The following EVI5 variants were observed in gnomAD, a reference collection of about 807,000 sequenced individuals.
EVI5 encodes the protein ecotropic viral integration site 5 protein homolog.
EVI5 carries 73 observed loss-of-function variants against 112.0 expected under a neutral mutation model. The ratio of observed to expected loss-of-function variants is 0.65; its 90% confidence interval spans 0.54 to 0.79. The LOEUF (loss-of-function observed/expected upper bound fraction) is 0.79, where lower values mean the gene tolerates loss of function less well. EVI5 is among the 30% of genes least tolerant of loss of function. The probability of loss-of-function intolerance (pLI) is 0.00; values close to 1 mark genes in which losing one functional copy is unlikely to be tolerated. For missense variants in EVI5, 900 were observed against 968.8 expected, an observed-to-expected ratio of 0.93 and a Z score of 0.94; for synonymous variants, 305 against 319.9, an observed-to-expected ratio of 0.95 and a Z score of 0.50.
At chr1:92,696,588 G>A (rs748312859) in intron 6 of EVI5, among the ~76,000 whole-genome samples, 4 of 151,624 alleles carry the variant, frequency 2.6e-5, no homozygotes, top group Non-Finnish European at 4.4e-5. Context: ...AGTGAACTGT[G>A]ATTGTGTCAT....
intron 9 of EVI5, among the ~76,000 whole-genome samples, chr1:92,687,944 A>C (rs559699440): frequency 4.9e-4 from 74 of 152,332 alleles, no homozygotes; most frequent in South Asian, 8.3e-4. Context: ...GGGAGTGTAA[A>C]TTAGTTCAAC....
chr1:92,765,527 TAA>T (rs77206179), intron 1 of EVI5, among the ~76,000 whole-genome samples: 1 of 141,302 alleles, frequency 7.1e-6, no homozygotes, highest in Non-Finnish European at 1.6e-5. Context: ...TTTTTCTGAT[TAA>T]AAAAAAAAAA....
chr1:92,535,953 T>C (rs1264630653), intron 19 of EVI5, among the ~76,000 whole-genome samples: 1 of 152,112 alleles, frequency 6.6e-6, no homozygotes, highest in Non-Finnish European at 1.5e-5. Context: ...TATCCCACCC[T>C]TTTAAATGCT....
intron 16 of EVI5, among the ~76,000 whole-genome samples, chr1:92,617,563 C>A (rs1485089949): frequency 3.3e-5 from 5 of 152,172 alleles, no homozygotes; most frequent in Admixed American, 2.0e-4. Flanking sequence ...AGCCCATGAA[C>A]AAAGTGGCCA....
chr1:92,603,468 A>G (rs1224440297), intron 18 of EVI5, among the ~76,000 whole-genome samples: 1 of 152,198 alleles, frequency 6.6e-6, no homozygotes, highest in Non-Finnish European at 1.5e-5. Flanking sequence ...GAATGAACAG[A>G]TAAAAAATGT....
intron 13 of EVI5, among the ~76,000 whole-genome samples, chr1:92,649,440 C>A (rs1280436187): frequency 2.6e-5 from 4 of 152,306 alleles, no homozygotes; most frequent in Non-Finnish European, 4.4e-5. Context: ...AAACCACTGA[C>A]AAATCCAAGG....
chr1:92,570,373 T>C (rs1432226058), intron 18 of EVI5, among the ~76,000 whole-genome samples: 1 of 151,924 alleles, frequency 6.6e-6, no homozygotes, highest in Non-Finnish European at 1.5e-5. Flanking sequence ...ACTCCCTTGG[T>C]TGGTTAGATG....
At chr1:92,519,338 GAAGA>G (rs910199195) in intron 19 of EVI5, among the ~76,000 whole-genome samples, 53 of 152,266 alleles carry the variant, frequency 3.5e-4, no homozygotes, top group African/African-American at 1.3e-3. Context: ...GGAGCAGTCA[GAAGA>G]AAGATTTCTT....
At chr1:92,566,566 A>G (rs181694045) in intron 18 of EVI5, among the ~76,000 whole-genome samples, 263 of 152,304 alleles carry the variant, frequency 1.7e-3, no homozygotes, top group African/African-American at 6.0e-3. Flanking sequence ...TTAACATACT[A>G]TATTTTTTAT....
intron 10 of EVI5, among the ~76,000 whole-genome samples, chr1:92,672,504 T>G (rs1255632776): frequency 2.0e-5 from 3 of 152,182 alleles, no homozygotes; most frequent in Non-Finnish European, 4.4e-5. Flanking sequence ...TTCTCTAAAT[T>G]TTCTACCCAA....
At chr1:92,705,680 C>T (rs772153782) in intron 2 of EVI5, among the ~76,000 whole-genome samples, 2 of 152,186 alleles carry the variant, frequency 1.3e-5, no homozygotes, top group Non-Finnish European at 2.9e-5. Flanking sequence ...TGACTAATCA[C>T]TACATTAAGT....
At chr1:92,771,903 G>A (rs1264190617) in intron 1 of EVI5, among the ~76,000 whole-genome samples, 1 of 151,978 alleles carries the variant, frequency 6.6e-6, no homozygotes, top group Non-Finnish European at 1.5e-5. Flanking sequence ...CGCCCAGGCT[G>A]GAGTGCAATG....
chr1:92,683,580 C>T (rs999646965), intron 9 of EVI5, among the ~76,000 whole-genome samples: 2 of 152,152 alleles, frequency 1.3e-5, no homozygotes, highest in Non-Finnish European at 2.9e-5. Context: ...CAGAAGTAGG[C>T]TTCAGAAGGT....
At chr1:92,537,049 C>T (rs573747326) in intron 19 of EVI5, among the ~76,000 whole-genome samples, 40 of 152,214 alleles carry the variant, frequency 2.6e-4, no homozygotes, top group African/African-American at 9.4e-4. Context: ...AGACAACTAC[C>T]ACTTTCTGAG....
intron 9 of EVI5, among the ~76,000 whole-genome samples, chr1:92,678,963 C>T (rs1426986020): frequency 3.3e-5 from 5 of 151,976 alleles, no homozygotes; most frequent in South Asian, 2.1e-4. Flanking sequence ...TAAAGTGTAT[C>T]TTAAAACAGC....
intron 18 of EVI5, among the ~76,000 whole-genome samples, chr1:92,572,438 A>G (rs898720621): frequency 3.9e-5 from 6 of 152,132 alleles, no homozygotes; most frequent in Non-Finnish European, 8.8e-5. Context: ...TATTGATGAA[A>G]AACAATTCAT....
At chr1:92,707,857 T>C (rs548151883) in intron 2 of EVI5, among the ~76,000 whole-genome samples, 272 of 152,212 alleles carry the variant, frequency 1.8e-3, no homozygotes, top group Admixed American at 3.2e-3. Context: ...ACAATCCAAA[T>C]GTTCAGAAAA....
chr1:92,646,980 T>TC, intron 13 of EVI5: 1 of 215,358 alleles, frequency 4.6e-6, no homozygotes, highest in South Asian at 8.4e-5. Flanking sequence ...AACAGATGTG[T>TC]CAATCATGGC....
At chr1:92,683,477 C>T (rs1490872332) in intron 9 of EVI5, among the ~76,000 whole-genome samples, 1 of 152,132 alleles carries the variant, frequency 6.6e-6, no homozygotes, top group Non-Finnish European at 1.5e-5. Context: ...GCTAAAAATT[C>T]CAAAACACAG....
Sources: allele counts gnomAD v4.1 joint callset (sites outside exome capture counted in the v4.1 genomes callset), GRCh38; gene constraint gnomAD v4.1.1; transcripts MANE v1.5; gene names NCBI Gene and HGNC (gene_info 2026-07-23, HGNC 2026-07-21).